LMNTD1: variants seen among roughly 807,000 people sequenced by gnomAD.
The protein encoded by LMNTD1 is lamin tail domain-containing protein 1.
A neutral mutation model predicts 50.9 loss-of-function variants in LMNTD1; 35 were observed. That is an observed-to-expected ratio of 0.69 (90% confidence interval 0.53 to 0.91). The LOEUF (loss-of-function observed/expected upper bound fraction) is 0.91. LMNTD1 is among the 40% of genes least tolerant of loss of function. LMNTD1 has a pLI of 0.00. For synonymous variants in LMNTD1, 153 were observed against 161.9 expected (o/e 0.94, Z 0.42); for missense variants, 470 against 475.5 (o/e 0.99, Z 0.11).
intron 8 of LMNTD1, among the ~76,000 whole-genome samples, chr12:25,513,636 A>G (rs989977697): frequency 3.3e-5 from 5 of 152,202 alleles, no homozygotes; most frequent in African/African-American, 4.8e-5. Context: ...ACTCTGCTTC[A>G]AAAACAAGCA....
chr12:25,602,619 A>T (rs1946005756), intron 1 of LMNTD1, among the ~76,000 whole-genome samples: 1 of 152,026 alleles, frequency 6.6e-6, no homozygotes, highest in Admixed American at 6.6e-5. Context: ...CCAGAAGTTT[A>T]CTTCCCAAGA....
chr12:25,565,403 A>G (rs12423084), intron 1 of LMNTD1, among the ~76,000 whole-genome samples: 10,695 of 152,198 alleles, frequency 0.07, 485 homozygotes, highest in African/African-American at 0.12. Flanking sequence ...CTTATAACCT[A>G]TTATTTTAAG....
intron 8 of LMNTD1, among the ~76,000 whole-genome samples, chr12:25,510,302 C>T (rs1940170132): frequency 6.6e-6 from 1 of 151,314 alleles, no homozygotes; most frequent in Non-Finnish European, 1.5e-5. Flanking sequence ...TATATTTTTC[C>T]TCAATATAGA....
intron 9 of LMNTD1, among the ~76,000 whole-genome samples, chr12:25,479,603 A>G (rs927949583): frequency 4.6e-5 from 7 of 152,192 alleles, no homozygotes; most frequent in African/African-American, 1.7e-4. Flanking sequence ...GCACTTCTTT[A>G]GCCGTAAAGT....
intron 9 of LMNTD1, among the ~76,000 whole-genome samples, chr12:25,489,633 C>T (rs956527386): frequency 3.3e-5 from 5 of 152,032 alleles, no homozygotes; most frequent in East Asian, 1.9e-4. Flanking sequence ...TGTTCCTATT[C>T]GGCCATCTTG....
chr12:25,527,661 TATATATATATATATATATATACACACAC>T lies in LMNTD1; in HGVS notation c.492-734_492-707del, dbSNP rs1474889347. Among the ~76,000 whole-genome samples, 7 of 24,910 alleles carry T rather than the reference TATATATATATATATATATATACACACAC, an allele frequency of 2.8e-4. No individual in the cohort carries two copies. The East Asian group carries it at 0.017, about 60-fold the overall frequency. The allele number at this position is 24,910 out of a possible 152,430, so 16.3% of individuals were successfully genotyped here. On this transcript the variant is annotated intron_variant, in intron 4 of 9. Coordinates refer to ENST00000458174, the MANE Select transcript of LMNTD1 (RefSeq NM_001145728.2). ...AACACTATATATATATATATATATA[TATATATATATATATATATATACACACAC>T]ACACACACACACACACACACACACA... is the stretch of plus-strand genomic sequence containing the variant.
chr12:25,519,712 A>G (rs1941137411), intron 7 of LMNTD1, 146 bp downstream of exon 7: 1 of 581,148 alleles, frequency 1.7e-6, no homozygotes, highest in African/African-American at 1.9e-5. Context: ...TTTTCCTATG[A>G]GTTCTATTCA....
chr12:25,634,607 A>G (rs905387138), intron 1 of LMNTD1, among the ~76,000 whole-genome samples: 1 of 152,088 alleles, frequency 6.6e-6, no homozygotes, highest in Non-Finnish European at 1.5e-5. Flanking sequence ...AAATGCAGAA[A>G]AAGCATTCGA....
At chr12:25,559,818 G>C (rs552356391) in intron 1 of LMNTD1, among the ~76,000 whole-genome samples, 1 of 152,174 alleles carries the variant, frequency 6.6e-6, no homozygotes, top group Non-Finnish European at 1.5e-5. Context: ...ATTTTTTCAC[G>C]TGTCTGTTCA....
intron 1 of LMNTD1, among the ~76,000 whole-genome samples, chr12:25,639,294 CAAAAT>C (rs1420587950): frequency 6.6e-6 from 1 of 151,716 alleles, no homozygotes; most frequent in Non-Finnish European, 1.5e-5. Context: ...GTACAAGTGA[CAAAAT>C]AAAAAAATAG....
intron 1 of LMNTD1, among the ~76,000 whole-genome samples, chr12:25,583,436 C>T (rs1325226853): frequency 6.6e-6 from 1 of 152,074 alleles, no homozygotes; most frequent in African/African-American, 2.4e-5. Flanking sequence ...TCCCATAGTG[C>T]TGGGATTACC....
chr12:25,591,823 G>GAA (rs1945706418), intron 1 of LMNTD1, among the ~76,000 whole-genome samples: 1 of 138,890 alleles, frequency 7.2e-6, no homozygotes, highest in Non-Finnish European at 1.5e-5. Context: ...GAGAGAGAGA[G>GAA]AGAGAGAGAG....
intron 1 of LMNTD1, among the ~76,000 whole-genome samples, chr12:25,623,581 A>AAAAAAAAAAC: frequency 7.3e-6 from 1 of 137,470 alleles, no homozygotes; most frequent in Non-Finnish European, 1.6e-5. Context: ...AAAAAAAAAA[A>AAAAAAAAAAC]GGAGAGAAAG....
chr12:25,572,212 A>G (rs1349126290), intron 1 of LMNTD1, among the ~76,000 whole-genome samples: 2 of 152,240 alleles, frequency 1.3e-5, no homozygotes, highest in South Asian at 2.1e-4. Context: ...AAAAACTTAC[A>G]TCTATTATTT....
intron 1 of LMNTD1, among the ~76,000 whole-genome samples, chr12:25,579,134 T>A (rs1270125979): frequency 6.6e-6 from 1 of 152,226 alleles, no homozygotes; most frequent in Non-Finnish European, 1.5e-5. Context: ...GGCTATGAGT[T>A]ATCTGTCAAG....
chr12:25,487,268 G>A (rs12309388), intron 9 of LMNTD1, among the ~76,000 whole-genome samples: 1 of 102,192 alleles, frequency 9.8e-6, no homozygotes, highest in Non-Finnish European at 2.0e-5. Context: ...TGTGGGAGTC[G>A]AAGTCTCTTT....
At chr12:25,539,407 A>G (rs1162265634) in intron 4 of LMNTD1, among the ~76,000 whole-genome samples, 1 of 151,994 alleles carries the variant, frequency 6.6e-6, no homozygotes, top group Non-Finnish European at 1.5e-5. Context: ...ACTAGAACTC[A>G]GGATTAAGAA....
chr12:25,611,097 G>A (rs1259797322), intron 1 of LMNTD1, among the ~76,000 whole-genome samples: 1 of 152,160 alleles, frequency 6.6e-6, no homozygotes, highest in African/African-American at 2.4e-5. Flanking sequence ...AGGGCAGGAC[G>A]TCAAGGGAAG....
Position 25,552,928 on chromosome 12 carries a change from G to A in LMNTD1, c.32C>T (p.Ser11Leu), listed in dbSNP as rs1218780411. The A allele has an allele frequency of 1.3e-6, 2 of 1,562,010 alleles. No homozygotes were observed. The highest frequency in any genetic ancestry group is 2.4e-5 in the East Asian group (1 of 41,546). MKDTQDIQEA[S>L]KAMQNKVHEQ... ...ATGGACTTTATTCTGCATTGCCTTC[G>A]AAGCTTCCTGAATGTCTTGTGTATC... Residue 11 changes from serine (S) to leucine (L), a missense_variant, in exon 2 of 10, where the codon TCG (serine) becomes TTG (leucine). Physicochemically the swap from Ser to Leu is moderately radical, Grantham distance 145. Coordinates refer to ENST00000458174, the MANE Select transcript of LMNTD1 (RefSeq NM_001145728.2).
Sources: gnomAD v4.1 joint callset for allele counts (sites outside exome capture counted in the v4.1 genomes callset) on GRCh38, gnomAD v4.1.1 for gene constraint, MANE v1.5 for transcripts, NCBI Gene and HGNC (gene_info 2026-07-23, HGNC 2026-07-21) for gene names.